The following SPIB variants were observed in gnomAD, a reference collection of about 807,000 sequenced individuals.
The protein encoded by SPIB is Spi-B transcription factor.
SPIB carries 7 observed loss-of-function variants against 31.9 expected under a neutral mutation model. The observed-to-expected ratio is 0.22, with a 90% CI of 0.12 to 0.41. The LOEUF (loss-of-function observed/expected upper bound fraction) is 0.41, where lower values mean the gene tolerates loss of function less well. SPIB is among the 10% of genes least tolerant of loss of function. SPIB has a pLI of 1.00. For synonymous variants in SPIB, 176 were observed against 158.9 expected, an observed-to-expected ratio of 1.11 and a Z score of -0.81; for missense variants, 327 against 360.2, an observed-to-expected ratio of 0.91 and a Z score of 0.75.
chr19:50,420,622 G>C (rs139810433), intron 2 of SPIB, among the ~76,000 whole-genome samples: 300 of 152,208 alleles, frequency 2.0e-3, no homozygotes, highest in African/African-American at 7.0e-3. Context: ...TGTTTTGCCT[G>C]CTCTTTTTTT....
At chr19:50,425,387 G>A (rs775485616) in intron 5 of SPIB, among the ~76,000 whole-genome samples, 2 of 152,138 alleles carry the variant, frequency 1.3e-5, no homozygotes, top group Admixed American at 1.3e-4. Flanking sequence ...ATTTAAGATG[G>A]AGAGGATCTC....
intron 3 of SPIB, 70 bp downstream of exon 3, chr19:50,422,615 GGGGAGGTCAT>G: frequency 6.5e-7 from 1 of 1,536,190 alleles, no homozygotes; most frequent in Non-Finnish European, 8.9e-7. Context: ...CTGAGGCCCA[GGGGAGGTCAT>G]TTCCTAGCAC....
chr19:50,420,846 T>C (rs1487907279), intron 2 of SPIB, among the ~76,000 whole-genome samples: 1 of 152,244 alleles, frequency 6.6e-6, no homozygotes, highest in Non-Finnish European at 1.5e-5. Context: ...CGGGCTGGTT[T>C]CAAACTCCTG....
rs745818237 is a variant in SPIB, at chr19:50,423,642, C to G, written c.377C>G (p.Pro126Arg). The change falls in exon 5 of 6, where the codon CCT (proline) becomes CGT (arginine). Residue 126 changes from proline to arginine, a missense_variant. Physicochemically the swap from Pro to Arg is moderately radical, Grantham distance 103. Transcript: ENST00000595883. ...CCGGCATATGCCCCGTACCCCAGCC[C>G]TGTGCTATCAGAGGAGGAAGACTTA... ...VPPAYAPYPS[P>R]VLSEEEDLPL... 6.2e-7 allele frequency: 1 copy of G among 1,614,128 alleles called. No individual in the cohort carries two copies. The highest frequency in any genetic ancestry group is 8.5e-7 in the Non-Finnish European group (1 of 1,180,022).
intron 2 of SPIB, 36 bp downstream of exon 2, chr19:50,420,009 C>T: frequency 1.4e-6 from 2 of 1,429,218 alleles, no homozygotes; most frequent in Non-Finnish European, 1.8e-6. Context: ...GGAGGGGTGG[C>T]CCACAGTGAC....
chr19:50,420,073 C>A, intron 2 of SPIB, 100 bp downstream of exon 2: 1 of 1,115,714 alleles, frequency 9.0e-7, no homozygotes, highest in Non-Finnish European at 1.2e-6. Context: ...CCACCTCTTC[C>A]TGTCACTTTG....
intron 2 of SPIB, among the ~76,000 whole-genome samples, 176 bp from the exon 3 acceptor site, chr19:50,422,295 CTG>C (rs1441322921): frequency 6.6e-6 from 1 of 152,196 alleles, no homozygotes; most frequent in East Asian, 1.9e-4. Flanking sequence ...CTCTGTATCT[CTG>C]TCTCTTTGTC....
rs1301208481 is a variant in SPIB, at chr19:50,419,928, G to A, written c.24-18G>A. ...CTGGAGGCAGCCTCAGCATGCCCCT[G>A]TGTCTCTCCCCCTCCAGGCTCGACG... On this transcript the variant is annotated intron_variant, in intron 1 of 5. Coordinates refer to ENST00000595883, the MANE Select transcript of SPIB (RefSeq NM_003121.5). 1.9e-6 allele frequency: 3 copies of A among 1,541,438 alleles called. No individual in the cohort carries two copies. The highest frequency in any genetic ancestry group is 4.2e-5 in the Admixed American group (2 of 47,274).
rs1370364428 is a variant in SPIB, at chr19:50,430,046, CTT to C, written c.*1712_*1713del. On this transcript the variant is annotated 3_prime_UTR_variant, in exon 6 of 6. Transcript: ENST00000595883. ...CAGCAGACCATTCAAAATAGGGAGA[CTT>C]TGCATAATCCAGATTTCTGCCTTCA... 2.0e-5 allele frequency: 3 copies of C among 152,160 alleles called. No homozygotes were observed. In the East Asian group the frequency reaches 5.8e-4, roughly 29 times the overall value. The allele number at this position is 152,160 out of a possible 1,614,324, so 9.4% of individuals were successfully genotyped here. A position where few individuals can be genotyped will look rare whatever the true frequency, so the allele number is the denominator to read the frequency against.
intron 4 of SPIB, 182 bp downstream of exon 4, chr19:50,423,219 A>AAAAAG (rs1192132126): frequency 4.3e-6 from 2 of 462,746 alleles, no homozygotes; most frequent in African/African-American, 4.0e-5. Context: ...AAAAAAAAAA[A>AAAAAG]AAAGAAAAAG....
rs758782333 is a variant in SPIB at position 50,423,006 on chromosome 19, CTG to C, written c.309_310del (p.Ala104IlefsTer8). 2.7e-5 allele frequency: 41 copies of C among 1,529,768 alleles called. No homozygotes were observed. Among genetic ancestry groups the C allele is most frequent in the Middle Eastern group, 1.9e-4 (1 of 5,144 alleles). 94.8% of individuals were successfully genotyped at this position (1,529,768 alleles called of 1,614,324 possible). A position where few individuals can be genotyped will look rare whatever the true frequency, so the allele number is the denominator to read the frequency against. On this transcript the variant is annotated frameshift_variant, in exon 4 of 6. Coordinates refer to ENST00000595883, the MANE Select transcript of SPIB (RefSeq NM_003121.5). LOFTEE classifies it high-confidence loss of function. ...CTGGAGGCCCCGGGGCCTGGCCTCC[CTG>C]CATACCCCACGGAGAACTTCGCTAG...
In SPIB at chr19:50,423,762, G is replaced by A. The variant is rs185291382; in HGVS notation, c.490+7G>A. 2.2e-5 allele frequency: 35 copies of A among 1,596,710 alleles called. No individual in the cohort carries two copies. In the East Asian group the frequency reaches 5.4e-4, roughly 25 times the overall value. On this transcript the variant is annotated splice_region_variant and intron_variant, in intron 5 of 5. Coordinates refer to ENST00000595883, the MANE Select transcript of SPIB (RefSeq NM_003121.5). Reference sequence around the variant, plus strand: ...GGGAAGGGATCCGAGGCAGGTATGCGGGAGTGGCTGGGGTGGGGGAGATGC... The same window carrying A: ...GGGAAGGGATCCGAGGCAGGTATGCAGGAGTGGCTGGGGTGGGGGAGATGC...
rs750284669 is a variant in SPIB, at chr19:50,423,704, G to T, written c.439G>T (p.Glu147Ter). The change falls in exon 5 of 6, where the codon GAG (glutamate) becomes TAG (stop). Residue 147 changes from glutamate to a stop codon, truncating the protein, a stop_gained. Coordinates refer to ENST00000595883, the MANE Select transcript of SPIB (RefSeq NM_003121.5). LOFTEE classifies it high-confidence loss of function. ...DSPALEVSDS[E>*]SDEALVAGPE... ...CCCTGCCCTGGAGGTCTCGGACAGC[G>T]AGTCGGATGAGGCCCTCGTGGCTGG... The T allele has an allele frequency of 6.2e-7, 1 of 1,613,448 alleles. No homozygotes were observed. The highest frequency in any genetic ancestry group is 8.5e-7 in the Non-Finnish European group (1 of 1,179,768).
At position 50,419,952 on chromosome 19, in the gene SPIB, C is replaced by T. The variant is rs778756578; in HGVS notation, c.30C>T (p.Asp10=). ...TGTGTCTCTCCCCCTCCAGGCTCGA[C>T]GGGCCACACTTCAGCTGTCTGGTGA... MLALEAAQL[D]GPHFSCLYPD... The change falls in exon 2 of 6, where the codon GAC becomes GAT. Residue 10 remains aspartate, a synonymous_variant. Transcript: ENST00000595883. 53 of 1,523,496 alleles carry T rather than the reference C, an allele frequency of 3.5e-5. No individual in the cohort carries two copies. The East Asian group carries it at 1.2e-3, about 35-fold the overall frequency. 94.4% of individuals were successfully genotyped at this position (1,523,496 alleles called of 1,614,324 possible).
chr19:50,424,078 C>A (rs1453867539), intron 5 of SPIB, among the ~76,000 whole-genome samples: 1 of 152,166 alleles, frequency 6.6e-6, no homozygotes, highest in Non-Finnish European at 1.5e-5. Context: ...CACCATCATT[C>A]CCGACACCAC....
chr19:50,419,180 A>G (rs1336873332), intron 1 of SPIB, among the ~76,000 whole-genome samples, 195 bp downstream of exon 1: 1 of 151,592 alleles, frequency 6.6e-6, no homozygotes, highest in Non-Finnish European at 1.5e-5. Flanking sequence ...CCCAGTTCCT[A>G]TCTTTCCTGG....
chr19:50,428,301 G>C lies in SPIB; in HGVS notation c.754G>C (p.Asp252His). The C allele has an allele frequency of 1.3e-6, 2 of 1,550,346 alleles. No individual in the cohort carries two copies. Among genetic ancestry groups the C allele is most frequent in the Non-Finnish European group, 1.7e-6 (2 of 1,146,672 alleles). ...KVKRKLTYQF[D>H]SALLPAVRRA The stretch of plus-strand genomic sequence containing the variant: ...CAAGCGCAAGCTCACCTACCAGTTC[G>C]ACAGCGCGCTGCTGCCTGCAGTCCG... Residue 252 changes from aspartate (D) to histidine (H), a missense_variant, in exon 6 of 6, where the codon GAC (aspartate) becomes CAC (histidine). Physicochemically the swap from Asp to His is moderately conservative, Grantham distance 81. Transcript: ENST00000595883. The surrounding 1 kb of genome is among the most constrained non-coding windows in gnomAD (Gnocchi z 6.5).
In SPIB at chr19:50,428,455, T is replaced by G. The variant is rs745489678; in HGVS notation, c.*119T>G. On this transcript the variant is annotated 3_prime_UTR_variant, in exon 6 of 6. Transcript: ENST00000595883. This position sits in a 1 kb window ranked among gnomAD's most constrained non-coding sequence, Gnocchi z 6.5. Reference sequence around the variant, plus strand: ...GTGATAGGACTTACGCATCCCCACCTTTTGGGGTAAGGGGAGTGCTGCCCT... The same window carrying G: ...GTGATAGGACTTACGCATCCCCACCGTTTGGGGTAAGGGGAGTGCTGCCCT... 3.8e-5 allele frequency: 45 copies of G among 1,175,570 alleles called. No homozygotes were observed. Among genetic ancestry groups the G allele is most frequent in the Non-Finnish European group, 5.0e-5 (43 of 864,988 alleles). The allele number at this position is 1,175,570 out of a possible 1,614,324, so 72.8% of individuals were successfully genotyped here.
intron 5 of SPIB, among the ~76,000 whole-genome samples, chr19:50,427,043 T>C (rs2039573836): frequency 6.6e-6 from 1 of 151,862 alleles, no homozygotes; most frequent in African/African-American, 2.4e-5. Context: ...GGCAGGAGGA[T>C]TGCTTAGGCC....
Sources: gnomAD v4.1 joint callset for allele counts (sites outside exome capture counted in the v4.1 genomes callset) on GRCh38, gnomAD v4.1.1 for gene constraint, Gnocchi (gnomAD v3.1) non-coding constraint, MANE v1.5 for transcripts, NCBI Gene and HGNC (gene_info 2026-07-23, HGNC 2026-07-21) for gene names.